ADAM12: variants seen among roughly 807,000 people sequenced by gnomAD.
ADAM12 encodes ADAM metallopeptidase domain 12, also known as disintegrin and metalloproteinase domain-containing protein 12.
ADAM12 carries 70 observed loss-of-function variants against 106.4 expected under a neutral mutation model. The observed-to-expected ratio is 0.66, with a 90% CI of 0.54 to 0.80. The LOEUF (loss-of-function observed/expected upper bound fraction) is 0.80. Among genes scored for constraint, ADAM12 ranks in the 30% least tolerant of loss-of-function variants. ADAM12 has a pLI of 0.00. For synonymous variants in ADAM12, 420 were observed against 433.5 expected, an observed-to-expected ratio of 0.97 and a Z score of 0.39; for missense variants, 1,010 against 1,171.9, an observed-to-expected ratio of 0.86 and a Z score of 2.02.
intron 1 of ADAM12, among the ~76,000 whole-genome samples, chr10:126,334,965 GA>G (rs1331153582): frequency 1.4e-4 from 21 of 152,288 alleles, no homozygotes; most frequent in Admixed American, 9.2e-4. Context: ...TCTACAAAAT[GA>G]AAACTGCATT....
intron 3 of ADAM12, among the ~76,000 whole-genome samples, chr10:126,251,447 T>C (rs1359618043): frequency 3.3e-5 from 1 of 30,458 alleles, no homozygotes; most frequent in East Asian, 7.4e-4. Flanking sequence ...ACCAATAGGA[T>C]AGATGGATGG....
At chr10:126,089,714 A>C (rs1003215044) in intron 11 of ADAM12, among the ~76,000 whole-genome samples, 19 of 151,876 alleles carry the variant, frequency 1.3e-4, no homozygotes, top group African/African-American at 4.6e-4. Flanking sequence ...ACTTCCCTCC[A>C]GCCCCCCACA....
intron 8 of ADAM12, among the ~76,000 whole-genome samples, chr10:126,107,325 G>A (rs970292429): frequency 2.6e-5 from 4 of 152,056 alleles, no homozygotes; most frequent in African/African-American, 9.7e-5. Context: ...AGTTCTTAAT[G>A]CCTTGGACCA....
chr10:126,365,422 A>C (rs1819625871), intron 1 of ADAM12, among the ~76,000 whole-genome samples: 1 of 152,220 alleles, frequency 6.6e-6, no homozygotes, highest in South Asian at 2.1e-4. Context: ...TCAGAGAAAC[A>C]GGCCAGGAAG....
Position 126,109,782 on chromosome 10 carries a change from T to C in ADAM12, c.662A>G (p.Asn221Ser), listed in dbSNP as rs753534340. ...ATTTTAAAAAGTTCTTACCTCTCGG[T>C]TGTCTGCCACGATCACCAGCTCCAC... The part of the protein sequence containing the change: ...KYVELVIVAD[N>S]REFQRQGKDL... The change falls in exon 7 of 23, where the codon AAC (asparagine) becomes AGC (serine). Residue 221 changes from asparagine to serine, a missense_variant. By Grantham distance (46) the Asn-to-Ser change is conservative. Around this residue, in one of 3 missense-constraint regions of ADAM12, gnomAD observed 391 missense variants for 442.9 expected, o/e 0.88. Coordinates refer to ENST00000448723, the MANE Select transcript of ADAM12 (RefSeq NM_001288973.2). 2 of 1,612,662 alleles carry C rather than the reference T, an allele frequency of 1.2e-6. No individual in the cohort carries two copies. Among genetic ancestry groups the C allele is most frequent in the Non-Finnish European group, 8.5e-7 (1 of 1,179,746 alleles).
intron 1 of ADAM12, among the ~76,000 whole-genome samples, chr10:126,335,049 T>G (rs1280014664): frequency 1.3e-5 from 2 of 152,224 alleles, no homozygotes; most frequent in Non-Finnish European, 2.9e-5. Context: ...TCGAAAAGCT[T>G]AATGCATGAA....
intron 1 of ADAM12, among the ~76,000 whole-genome samples, chr10:126,359,437 A>G (rs1240935869): frequency 1.3e-5 from 2 of 152,208 alleles, no homozygotes; most frequent in Non-Finnish European, 2.9e-5. Context: ...TCCTAGATAC[A>G]ATGAGGGTAC....
chr10:126,177,042 GCACA>G (rs150341109), intron 3 of ADAM12, among the ~76,000 whole-genome samples: 2 of 150,798 alleles, frequency 1.3e-5, no homozygotes, highest in South Asian at 2.1e-4. Flanking sequence ...GTGCACATGT[GCACA>G]CACACACACA....
chr10:126,041,435 T>C, intron 18 of ADAM12: 1 of 985,678 alleles, frequency 1.0e-6, no homozygotes, highest in Non-Finnish European at 1.2e-6. Context: ...TTCTTACTTG[T>C]TAAATGAAGG....
In ADAM12 at chr10:126,014,832, T is replaced by TA. The variant is rs1953633495; in HGVS notation, c.*2446_*2447insT. 3 of 136,646 alleles carry TA rather than the reference T, an allele frequency of 2.2e-5. No individual in the cohort carries two copies. The East Asian group carries it at 7.3e-4, about 33-fold the overall frequency. 8.5% of individuals were successfully genotyped at this position (136,646 alleles called of 1,614,324 possible). A position where few individuals can be genotyped will look rare whatever the true frequency, so the allele number is the denominator to read the frequency against. On this transcript the variant is annotated 3_prime_UTR_variant, in exon 23 of 23. Transcript: ENST00000448723. Reference sequence around the variant, plus strand: ...CTATTATTCATGCCTATACAGTCTTTTAAAAAAATACTAGATTGCCATTGA... The same window carrying TA: ...CTATTATTCATGCCTATACAGTCTTTATAAAAAAATACTAGATTGCCATTGA...
chr10:126,295,417 C>A (rs1335914706), intron 2 of ADAM12, among the ~76,000 whole-genome samples: 2 of 152,152 alleles, frequency 1.3e-5, no homozygotes, highest in East Asian at 3.9e-4. Flanking sequence ...TTGGTCATAC[C>A]TCTGCTCCTT....
intron 22 of ADAM12, among the ~76,000 whole-genome samples, chr10:126,019,027 G>A (rs1306418281): frequency 6.6e-6 from 1 of 152,134 alleles, no homozygotes; most frequent in Non-Finnish European, 1.5e-5. Context: ...CAAAGTTGAA[G>A]GTGGAGCCTT....
intron 18 of ADAM12, among the ~76,000 whole-genome samples, chr10:126,039,948 GAGAA>G (rs1954130689): frequency 6.6e-6 from 1 of 152,208 alleles, no homozygotes; most frequent in South Asian, 2.1e-4. Flanking sequence ...AGTGAAAAAA[GAGAA>G]AGAAAACTCA....
chr10:126,226,384 C>G (rs1259958817), intron 3 of ADAM12, among the ~76,000 whole-genome samples: 2 of 152,156 alleles, frequency 1.3e-5, no homozygotes, highest in Non-Finnish European at 2.9e-5. Flanking sequence ...TGAGGAGCTT[C>G]TGTGTGGAGG....
chr10:126,246,923 G>A (rs1958641642), intron 3 of ADAM12, among the ~76,000 whole-genome samples: 1 of 152,176 alleles, frequency 6.6e-6, no homozygotes, highest in Non-Finnish European at 1.5e-5. Flanking sequence ...ATCCAAATAC[G>A]AAGAGCAGAA....
At chr10:126,095,495 C>G (rs1430405097) in intron 10 of ADAM12, among the ~76,000 whole-genome samples, 1 of 129,812 alleles carries the variant, frequency 7.7e-6, no homozygotes, top group Non-Finnish European at 1.6e-5. Context: ...GATCCCACCA[C>G]TGCACTCTAG....
chr10:126,349,531 A>AGGG (rs1855274680), intron 1 of ADAM12, among the ~76,000 whole-genome samples: 1 of 152,194 alleles, frequency 6.6e-6, no homozygotes, highest in African/African-American at 2.4e-5. Flanking sequence ...TAAGTTTATG[A>AGGG]GGGGGCTGGT....
At chr10:126,302,687 A>G (rs2133801875) in intron 2 of ADAM12, among the ~76,000 whole-genome samples, 1 of 152,310 alleles carries the variant, frequency 6.6e-6, no homozygotes, top group African/African-American at 2.4e-5. Flanking sequence ...TTTAAAAGGA[A>G]ACCACCAATG....
rs566237645 is a variant in ADAM12 at position 126,170,273 on chromosome 10, G to A, written c.261-14968C>T. Among the ~76,000 whole-genome samples the A allele has an allele frequency of 3.3e-5, 5 of 152,164 alleles. No homozygotes were observed. The South Asian group carries it at 6.2e-4, about 19-fold the overall frequency. ...ATGCTCTGCAAATTTCCATACCATC[G>A]TGGCCAGGAGACAGACACCAGCAGG... On this transcript the variant is annotated intron_variant, in intron 3 of 22. Coordinates refer to ENST00000448723, the MANE Select transcript of ADAM12 (RefSeq NM_001288973.2).
Sources: gnomAD v4.1 joint callset for allele counts (sites outside exome capture counted in the v4.1 genomes callset) on GRCh38, gnomAD v4.1.1 for gene constraint, gnomAD v4.1.1 regional missense constraint, MANE v1.5 for transcripts, NCBI Gene and HGNC (gene_info 2026-07-23, HGNC 2026-07-21) for gene names.